Variants in PTPN12 observed in about 807,000 individuals in gnomAD.
PTPN12 encodes the protein protein tyrosine phosphatase non-receptor type 12, also known as tyrosine-protein phosphatase non-receptor type 12.
PTPN12 carries 29 observed loss-of-function variants against 97.6 expected under a neutral mutation model. That is an observed-to-expected ratio of 0.30 (90% CI 0.22 to 0.41). The LOEUF is 0.41. Ranked by LOEUF, PTPN12 falls within the 10% of genes least tolerant of loss-of-function variation. The pLI is 1.00. For missense variants in PTPN12, 819 were observed against 926.0 expected (o/e 0.88, Z 1.50); for synonymous variants, 327 against 300.4 (o/e 1.09, Z -0.91).
chr7:77,603,318 G>A (rs993148262), intron 8 of PTPN12, among the ~76,000 whole-genome samples: 1 of 152,144 alleles, frequency 6.6e-6, no homozygotes, highest in African/African-American at 2.4e-5. Flanking sequence ...TAAATTGACC[G>A]TTAAATATTT....
At chr7:77,630,779 A>G (rs890408927) in intron 13 of PTPN12, among the ~76,000 whole-genome samples, 4 of 152,202 alleles carry the variant, frequency 2.6e-5, no homozygotes, top group Non-Finnish European at 5.9e-5. Flanking sequence ...AAGATTTCTC[A>G]GATTCAACTA....
intron 1 of PTPN12, among the ~76,000 whole-genome samples, chr7:77,565,098 T>C (rs1016517395): frequency 4.9e-5 from 7 of 143,810 alleles, no homozygotes; most frequent in African/African-American, 1.7e-4. Context: ...TTGAGGAATT[T>C]GAGGCAGTGG....
At chr7:77,550,205 A>ATTT (rs1330699729) in intron 1 of PTPN12, among the ~76,000 whole-genome samples, 1 of 152,030 alleles carries the variant, frequency 6.6e-6, no homozygotes, top group Non-Finnish European at 1.5e-5. Flanking sequence ...AAGATTTATT[A>ATTT]ATGTGTGTTA....
At chr7:77,560,433 G>A (rs1807945330) in intron 1 of PTPN12, among the ~76,000 whole-genome samples, 1 of 152,074 alleles carries the variant, frequency 6.6e-6, no homozygotes, top group Non-Finnish European at 1.5e-5. Flanking sequence ...ATTTTTAAAT[G>A]TACAGTTCAA....
intron 13 of PTPN12, among the ~76,000 whole-genome samples, 195 bp downstream of exon 13, chr7:77,627,870 G>T (rs1028171256): frequency 6.6e-6 from 1 of 152,018 alleles, no homozygotes; most frequent in African/African-American, 2.4e-5. Flanking sequence ...TTATATTACT[G>T]GGTTTTGTGT....
At chr7:77,544,104 C>G (rs1408431621) in intron 1 of PTPN12, among the ~76,000 whole-genome samples, 1 of 152,180 alleles carries the variant, frequency 6.6e-6, no homozygotes, top group Non-Finnish European at 1.5e-5. Context: ...TTATCCAAAG[C>G]TGCTGCACAT....
intron 2 of PTPN12, among the ~76,000 whole-genome samples, chr7:77,577,979 T>C (rs1405318502): frequency 1.3e-5 from 2 of 152,200 alleles, no homozygotes; most frequent in African/African-American, 4.8e-5. Context: ...ATTATACTGT[T>C]CTATTTTGGT....
chr7:77,551,055 TTTA>T (rs1331927355), intron 1 of PTPN12, among the ~76,000 whole-genome samples: 2 of 152,114 alleles, frequency 1.3e-5, no homozygotes, highest in African/African-American at 4.8e-5. Context: ...TATTTATTTA[TTTA>T]TTATTTTTCA....
chr7:77,608,773 AATC>A (rs1277981754), intron 9 of PTPN12, among the ~76,000 whole-genome samples: 5 of 152,242 alleles, frequency 3.3e-5, no homozygotes, highest in African/African-American at 4.8e-5. Context: ...CAAAAACTAT[AATC>A]ATCTAATTCT....
At chr7:77,624,630 G>A (rs1789068264) in intron 12 of PTPN12, among the ~76,000 whole-genome samples, 1 of 151,566 alleles carries the variant, frequency 6.6e-6, no homozygotes, top group East Asian at 2.0e-4. Flanking sequence ...TAGTAGAGAC[G>A]GGGTTTTGCC....
At chr7:77,573,456 C>G (rs1787232266) in intron 2 of PTPN12, among the ~76,000 whole-genome samples, 1 of 152,134 alleles carries the variant, frequency 6.6e-6, no homozygotes. Context: ...TTAGTAAAAG[C>G]TGGTAATCCC....
At chr7:77,610,043 TTTCTCAC>T (rs1184947514) in intron 9 of PTPN12, among the ~76,000 whole-genome samples, 1 of 152,246 alleles carries the variant, frequency 6.6e-6, no homozygotes, top group African/African-American at 2.4e-5. Context: ...CCTCCGCCAG[TTTCTCAC>T]TCTTTCAGAC....
intron 1 of PTPN12, among the ~76,000 whole-genome samples, chr7:77,546,780 G>C (rs995065421): frequency 6.6e-6 from 1 of 152,198 alleles, no homozygotes; most frequent in African/African-American, 2.4e-5. Context: ...TACGATTGTG[G>C]TGGAAGGTGA....
At chr7:77,583,203 T>A (rs1233271715) in intron 3 of PTPN12, among the ~76,000 whole-genome samples, 1 of 152,190 alleles carries the variant, frequency 6.6e-6, no homozygotes, top group Non-Finnish European at 1.5e-5. Flanking sequence ...TAGTATTGTT[T>A]TAGAATCAGA....
At chr7:77,633,141 A>T (rs1371227632) in intron 14 of PTPN12, among the ~76,000 whole-genome samples, 1 of 152,042 alleles carries the variant, frequency 6.6e-6, no homozygotes, top group African/African-American at 2.4e-5. Context: ...GTGGTGGCGC[A>T]TGCCTGTAAT....
In PTPN12 at chr7:77,543,344, C is replaced by CT. The variant is rs10545350; in HGVS notation, c.99+5715dup. 5.5e-3 allele frequency among the ~76,000 whole-genome samples: 762 copies of CT among 137,430 alleles called. 12 individuals carry two copies. The highest frequency in any genetic ancestry group is 0.019 in the African/African-American group (698 of 37,120). 90.2% of individuals were successfully genotyped at this position (137,430 alleles called of 152,430 possible). On this transcript the variant is annotated intron_variant, in intron 1 of 17. Transcript: ENST00000248594. ...AAGGAGAGTGTGCCCCTTCCACTGC[C>CT]TTTTTTTTTTTTTTTTAAAGAGAGA...
chr7:77,563,835 A>G (rs1364923566), intron 1 of PTPN12: 1 of 279,550 alleles, frequency 3.6e-6, no homozygotes, highest in Non-Finnish European at 7.5e-6. Flanking sequence ...TTTTGCAACT[A>G]AAGGTAGACA....
intron 17 of PTPN12, chr7:77,638,955 T>A: frequency 1.2e-6 from 1 of 803,388 alleles, no homozygotes; most frequent in Non-Finnish European, 1.8e-6. Context: ...TTGGAAAGAC[T>A]AAATTATCAT....
intron 1 of PTPN12, among the ~76,000 whole-genome samples, chr7:77,565,279 C>T (rs943895635): frequency 3.3e-5 from 5 of 152,162 alleles, no homozygotes; most frequent in African/African-American, 1.2e-4. Flanking sequence ...ATCCAGCCAA[C>T]AAATTAATTT....
Sources: allele counts gnomAD v4.1 joint callset (sites outside exome capture counted in the v4.1 genomes callset), GRCh38; gene constraint gnomAD v4.1.1; transcripts MANE v1.5; gene names NCBI Gene and HGNC (gene_info 2026-07-23, HGNC 2026-07-21).